PCDH15: variants seen among roughly 807,000 people sequenced by gnomAD.
PCDH15 encodes protocadherin related 15.
In PCDH15, 129 loss-of-function variants were observed where a neutral mutation model predicts 178.5. The ratio of observed to expected loss-of-function variants is 0.72; its 90% CI spans 0.63 to 0.84. The LOEUF is 0.84. PCDH15 is among the 40% of genes least tolerant of loss of function. PCDH15 has a pLI of 0.00. For synonymous variants in PCDH15, 800 were observed against 732.0 expected (o/e 1.09, Z -1.50); for missense variants, 2,230 against 2,099.9 (o/e 1.06, Z -1.21).
chr10:54,877,813 A>G (rs931819894), intron 3 of PCDH15, among the ~76,000 whole-genome samples: 1 of 152,062 alleles, frequency 6.6e-6, no homozygotes, highest in African/African-American at 2.4e-5. Context: ...CCTGTGAATT[A>G]TACTAACAAT....
intron 2 of PCDH15, among the ~76,000 whole-genome samples, chr10:55,567,997 T>G (rs1842336546): frequency 6.6e-6 from 1 of 152,052 alleles, no homozygotes. Context: ...AAAACTGTTG[T>G]GAAAAATAAT....
chr10:55,598,202 C>A (rs1462182380), intron 2 of PCDH15, among the ~76,000 whole-genome samples: 2 of 151,882 alleles, frequency 1.3e-5, no homozygotes, highest in Non-Finnish European at 1.5e-5. Flanking sequence ...GGTCTTCAGT[C>A]AACAAAGTTA....
chr10:54,486,617 G>C (rs2079122281), intron 3 of PCDH15, among the ~76,000 whole-genome samples: 1 of 149,394 alleles, frequency 6.7e-6, no homozygotes, highest in African/African-American at 2.5e-5. Flanking sequence ...TTAAAATACT[G>C]CTCCTTCCTG....
chr10:54,385,967 CT>C (rs771391137), intron 3 of PCDH15, among the ~76,000 whole-genome samples: 1 of 152,082 alleles, frequency 6.6e-6, no homozygotes. Context: ...GTGTTTTATT[CT>C]TTTTGATGCT....
At chr10:55,238,541 A>G (rs1358583332) in intron 1 of PCDH15, among the ~76,000 whole-genome samples, 1 of 152,184 alleles carries the variant, frequency 6.6e-6, no homozygotes, top group Non-Finnish European at 1.5e-5. Flanking sequence ...AATAAAATAT[A>G]TGGTTTAATG....
chr10:54,852,811 C>T (rs1210718746), intron 3 of PCDH15, among the ~76,000 whole-genome samples: 1 of 150,264 alleles, frequency 6.7e-6, no homozygotes, highest in African/African-American at 2.5e-5. Context: ...TGAGATCACG[C>T]CACTGCACTC....
At chr10:54,395,310 A>G (rs1951060556) in intron 3 of PCDH15, among the ~76,000 whole-genome samples, 1 of 151,994 alleles carries the variant, frequency 6.6e-6, no homozygotes, top group African/African-American at 2.4e-5. Flanking sequence ...TTCTTCTGCC[A>G]TGGCTTCAGC....
intron 6 of PCDH15, among the ~76,000 whole-genome samples, chr10:54,344,904 C>CCAAAAAAAAAAAAAAAAAAAA (rs58908008): frequency 2.5e-5 from 2 of 78,886 alleles, no homozygotes; most frequent in African/African-American, 9.8e-5. Flanking sequence ...AGAAACAAAG[C>CCAAAAAAAAAAAAAAAAAAAA]AAAAAAAAAA....
At position 55,227,817 on chromosome 10, in the gene PCDH15, G is replaced by C. The variant is rs540684856; in HGVS notation, c.-155-61166C>G. ...TATTATATTCAGAGGACGGGAGAAG[G>C]CAATGAATGTTTGTCGAAGAGAAGG... On this transcript the variant is annotated intron_variant, in intron 1 of 5. Coordinates refer to the PCDH15 transcript ENST00000458638. Among the ~76,000 whole-genome samples the C allele has an allele frequency of 6.6e-4, 101 of 152,130 alleles. 1 individual carries two copies. In the South Asian group the frequency reaches 0.02, roughly 29 times the overall value.
chr10:55,483,241 C>T (rs2132120158), intron 2 of PCDH15, among the ~76,000 whole-genome samples: 1 of 151,220 alleles, frequency 6.6e-6, no homozygotes, highest in East Asian at 2.0e-4. Flanking sequence ...CATCAAAGGT[C>T]TAATGTCCAT....
intron 14 of PCDH15, among the ~76,000 whole-genome samples, chr10:54,148,162 C>T (rs2044168484): frequency 6.6e-6 from 1 of 151,974 alleles, no homozygotes; most frequent in African/African-American, 2.4e-5. Context: ...CGCACTCAAA[C>T]CTTACTTGGC....
At chr10:55,055,430 A>G (rs1334394891) in intron 2 of PCDH15, among the ~76,000 whole-genome samples, 2 of 152,134 alleles carry the variant, frequency 1.3e-5, no homozygotes, top group African/African-American at 4.8e-5. Flanking sequence ...CTGAAAGGAG[A>G]ACCACACTAG....
chr10:54,319,726 T>G (rs571433669), intron 7 of PCDH15, among the ~76,000 whole-genome samples: 31 of 152,188 alleles, frequency 2.0e-4, no homozygotes, highest in East Asian at 5.8e-4. Flanking sequence ...TTTTTTTTTT[T>G]TTGTTCATAA....
chr10:54,655,789 C>T (rs1241765230), intron 2 of PCDH15: 1 of 152,106 alleles, frequency 6.6e-6, no homozygotes, highest in African/African-American at 2.4e-5. Context: ...AGATTACTCA[C>T]CTTCAGGAAA....
intron 5 of PCDH15, among the ~76,000 whole-genome samples, chr10:54,363,410 ATT>A (rs1295904200): frequency 6.6e-6 from 1 of 152,106 alleles, no homozygotes; most frequent in Non-Finnish European, 1.5e-5. Context: ...TAATACTACC[ATT>A]TTCGTTTTCA....
chr10:55,468,751 G>A (rs1257654554), intron 2 of PCDH15, among the ~76,000 whole-genome samples: 6 of 152,066 alleles, frequency 3.9e-5, no homozygotes, highest in African/African-American at 1.2e-4. Context: ...TGGTATTCAA[G>A]CCAATTAATG....
At chr10:55,120,434 G>C (rs1564814500) in intron 2 of PCDH15, among the ~76,000 whole-genome samples, 2 of 152,096 alleles carry the variant, frequency 1.3e-5, no homozygotes, top group African/African-American at 4.8e-5. Flanking sequence ...CCAATTCCTT[G>C]GGACTAGACG....
chr10:53,828,998 T>C (rs1258471758), intron 30 of PCDH15, among the ~76,000 whole-genome samples: 2 of 152,174 alleles, frequency 1.3e-5, no homozygotes, highest in East Asian at 1.9e-4. Context: ...ACTTTGAAGC[T>C]GAAGCTACAA....
Position 53,961,769 on chromosome 10 carries a change from G to T in PCDH15, c.2992C>A (p.Pro998Thr). The change falls in exon 22 of 38, where the codon CCT (proline) becomes ACT (threonine). Residue 998 changes from proline to threonine, a missense_variant. Pro to Thr is a conservative substitution (Grantham distance 38, BLOSUM62 -1). Coordinates refer to ENST00000644397, the MANE Select transcript of PCDH15 (RefSeq NM_001384140.1). ...ACACTGACCTTAAAAATTGTTGTAG[G>T]TTCTTCATTAAGATTGACTCGTGTT... is the stretch of plus-strand genomic sequence containing the variant. ...VITRVNLNEE[P>T]TTIFKLVVVA... is the part of the protein sequence containing the mutation. The T allele has an allele frequency of 1.2e-6, 2 of 1,606,636 alleles. No individual in the cohort carries two copies. Among genetic ancestry groups the T allele is most frequent in the South Asian group, 1.1e-5 (1 of 89,408 alleles).
Sources: allele counts gnomAD v4.1 joint callset (sites outside exome capture counted in the v4.1 genomes callset), GRCh38; gene constraint gnomAD v4.1.1; transcripts MANE v1.5; gene names NCBI Gene and HGNC (gene_info 2026-07-23, HGNC 2026-07-21).